The following CDH18 variants were observed in gnomAD, a reference collection of about 807,000 sequenced individuals.
CDH18 encodes cadherin-18.
In CDH18, 31 loss-of-function variants were observed where a neutral mutation model predicts 67.9. The ratio of observed to expected loss-of-function variants is 0.46; its 90% CI spans 0.34 to 0.62. The LOEUF is 0.62. Among genes scored for constraint, CDH18 ranks in the 20% least tolerant of loss-of-function variants. The pLI, the probability that CDH18 is intolerant of heterozygous loss-of-function variation, is 0.01. For synonymous variants in CDH18, 362 were observed against 347.2 expected (o/e 1.04, Z -0.48); for missense variants, 890 against 975.5 (o/e 0.91, Z 1.17).
At chr5:19,483,042 A>G (rs1739733314) in intron 12 of CDH18, among the ~76,000 whole-genome samples, 2 of 152,134 alleles carry the variant, frequency 1.3e-5, no homozygotes, top group South Asian at 4.1e-4. Flanking sequence ...ATATTTTAAT[A>G]TTAATTCTTT....
At chr5:20,205,860 G>C (rs1471764207) in intron 2 of CDH18, among the ~76,000 whole-genome samples, 1 of 151,748 alleles carries the variant, frequency 6.6e-6, no homozygotes, top group Non-Finnish European at 1.5e-5. Flanking sequence ...GCAGTACTAA[G>C]AGGGAAGTTT....
At chr5:20,541,020 C>T (rs953395800) in intron 1 of CDH18, among the ~76,000 whole-genome samples, 2 of 152,096 alleles carry the variant, frequency 1.3e-5, no homozygotes, top group East Asian at 1.9e-4. Flanking sequence ...TATGGCCATT[C>T]GGAGTAGGGC....
At chr5:19,651,551 G>A (rs1256770905) in intron 5 of CDH18, among the ~76,000 whole-genome samples, 2 of 152,104 alleles carry the variant, frequency 1.3e-5, no homozygotes, top group African/African-American at 4.8e-5. Context: ...ACAGATAAAA[G>A]TTTAATCAGA....
chr5:19,673,917 C>T (rs1476335803), intron 5 of CDH18, among the ~76,000 whole-genome samples: 1 of 152,048 alleles, frequency 6.6e-6, no homozygotes, highest in African/African-American at 2.4e-5. Flanking sequence ...AGCAGTCTTA[C>T]TTCACAACTA....
chr5:20,305,129 G>A, intron 1 of CDH18: 1 of 1,505,654 alleles, frequency 6.6e-7, no homozygotes, highest in Non-Finnish European at 9.2e-7. Context: ...GCTACCTTGG[G>A]CTCTGCCACT....
chr5:20,554,878 G>T (rs1020032201), intron 1 of CDH18, among the ~76,000 whole-genome samples: 4 of 152,178 alleles, frequency 2.6e-5, no homozygotes, highest in African/African-American at 9.6e-5. Flanking sequence ...TGGATGAAGA[G>T]ACTCAATAGA....
At chr5:19,939,712 T>A (rs1374317017) in intron 2 of CDH18, among the ~76,000 whole-genome samples, 1 of 151,864 alleles carries the variant, frequency 6.6e-6, no homozygotes, top group African/African-American at 2.4e-5. Flanking sequence ...ATTTATATAA[T>A]GTAAAGCAAA....
At chr5:19,687,864 G>T (rs1360836640) in intron 5 of CDH18, among the ~76,000 whole-genome samples, 1 of 152,156 alleles carries the variant, frequency 6.6e-6, no homozygotes, top group African/African-American at 2.4e-5. Flanking sequence ...TGGTGGGCCT[G>T]GGGTCTACCC....
intron 1 of CDH18, among the ~76,000 whole-genome samples, chr5:20,575,241 T>G (rs1170841839): frequency 2.0e-5 from 3 of 151,662 alleles, no homozygotes; most frequent in Non-Finnish European, 2.9e-5. Flanking sequence ...GTAGTGACCT[T>G]ATTTTTGAAA....
intron 5 of CDH18, among the ~76,000 whole-genome samples, chr5:19,649,948 T>G (rs1262276873): frequency 1.3e-5 from 2 of 152,038 alleles, no homozygotes; most frequent in African/African-American, 2.4e-5. Context: ...TCTCATCTCA[T>G]CAAACTATAT....
intron 2 of CDH18, among the ~76,000 whole-genome samples, chr5:20,144,942 CA>C (rs79990677): frequency 2.0e-5 from 3 of 151,986 alleles, no homozygotes; most frequent in Non-Finnish European, 4.4e-5. Context: ...AGGAATGCCC[CA>C]AAATTGGCTA....
intron 2 of CDH18, among the ~76,000 whole-genome samples, chr5:20,090,125 C>T (rs1344231000): frequency 6.6e-6 from 1 of 152,116 alleles, no homozygotes; most frequent in Non-Finnish European, 1.5e-5. Flanking sequence ...TAAAAAGGAT[C>T]TGTGATAAAA....
chr5:20,103,586 A>AG (rs1746661395), intron 2 of CDH18, among the ~76,000 whole-genome samples: 1 of 149,938 alleles, frequency 6.7e-6, no homozygotes, highest in East Asian at 2.0e-4. Context: ...AAAAAAAAAA[A>AG]GCTGGGAGTG....
At chr5:20,334,843 G>A (rs1456641674) in intron 1 of CDH18, among the ~76,000 whole-genome samples, 1 of 150,548 alleles carries the variant, frequency 6.6e-6, no homozygotes, top group African/African-American at 2.5e-5. Context: ...CATCTTGTCA[G>A]ATACTCCAGA....
At chr5:19,569,926 G>T (rs1450830950) in intron 8 of CDH18, among the ~76,000 whole-genome samples, 2 of 151,672 alleles carry the variant, frequency 1.3e-5, no homozygotes, top group Non-Finnish European at 2.9e-5. Flanking sequence ...TAAACTAATG[G>T]TTGCACTTCC....
intron 7 of CDH18, among the ~76,000 whole-genome samples, chr5:19,588,351 A>G (rs1187605653): frequency 1.3e-5 from 2 of 152,016 alleles, no homozygotes; most frequent in Non-Finnish European, 2.9e-5. Context: ...AGACAAATAA[A>G]TGCTGAGGGA....
intron 2 of CDH18, among the ~76,000 whole-genome samples, chr5:20,204,051 C>A (rs150399463): frequency 6.6e-6 from 1 of 151,924 alleles, no homozygotes; most frequent in African/African-American, 2.4e-5. Flanking sequence ...GTTCAACAGG[C>A]AACTGAGCAA....
chr5:19,632,337 T>C (rs1005013824), intron 5 of CDH18, among the ~76,000 whole-genome samples: 1 of 152,178 alleles, frequency 6.6e-6, no homozygotes, highest in Non-Finnish European at 1.5e-5. Context: ...GTTAGCAATA[T>C]CATTATTTGT....
intron 2 of CDH18, among the ~76,000 whole-genome samples, chr5:20,219,937 T>C (rs1741091436): frequency 6.6e-6 from 1 of 151,892 alleles, no homozygotes; most frequent in Non-Finnish European, 1.5e-5. Flanking sequence ...AAGATCTCTA[T>C]AATGAAAACT....
Sources: allele counts gnomAD v4.1 joint callset (sites outside exome capture counted in the v4.1 genomes callset), GRCh38; gene constraint gnomAD v4.1.1; transcripts MANE v1.5; gene names NCBI Gene and HGNC (gene_info 2026-07-23, HGNC 2026-07-21).